CARD10: variants seen among roughly 807,000 people sequenced by gnomAD.
The protein encoded by CARD10 is caspase recruitment domain-containing protein 10.
CARD10 carries 49 observed loss-of-function variants against 114.6 expected under a neutral mutation model. That is an observed-to-expected ratio of 0.43 (90% CI 0.34 to 0.54). The LOEUF is 0.54. Ranked by LOEUF, CARD10 falls within the 20% of genes least tolerant of loss-of-function variation. The probability of loss-of-function intolerance (pLI) is 0.03; values close to 1 mark genes in which losing one functional copy is unlikely to be tolerated. For synonymous variants in CARD10, 602 were observed against 593.2 expected, an observed-to-expected ratio of 1.01 and a Z score of -0.21; for missense variants, 1,206 against 1,397.2, an observed-to-expected ratio of 0.86 and a Z score of 2.18.
At chr22:37,508,994 T>C (rs1923516269) in intron 4 of CARD10, 2 of 1,549,572 alleles carry the variant, frequency 1.3e-6, no homozygotes, top group East Asian at 2.4e-5. Context: ...ACTCGTGCTC[T>C]GGCCCTCACC....
chr22:37,507,948 G>A lies in CARD10; in HGVS notation c.1072C>T (p.Gln358Ter). 1 of 1,614,080 alleles carries A rather than the reference G, an allele frequency of 6.2e-7. No homozygotes were observed. The highest frequency in any genetic ancestry group is 8.5e-7 in the Non-Finnish European group (1 of 1,180,000). Reference sequence around the variant, plus strand: ...TTGAGCCGCAGGTCTTCCATCTCCTGCAGGTACTGAGGGTGGCACGGGGCG... The same window carrying A: ...TTGAGCCGCAGGTCTTCCATCTCCTACAGGTACTGAGGGTGGCACGGGGCG... ...WAEELRDQYLQEMEDLRLKHR... is the reference protein window; with the variant it reads ...WAEELRDQYL The change falls in exon 6 of 20, where the codon CAG (glutamine) becomes TAG (stop). Residue 358 changes from glutamine (Q) to a stop codon, truncating the protein, a stop_gained. Transcript: ENST00000251973. LOFTEE classifies it high-confidence loss of function.
At chr22:37,510,471 C>T (rs767611003) in intron 3 of CARD10, 50 bp from the exon 4 acceptor site, 13 of 1,565,332 alleles carry the variant, frequency 8.3e-6, no homozygotes, top group South Asian at 4.5e-5. Context: ...CTGGGAGCCA[C>T]GGGTTACAGG....
intron 10 of CARD10, 49 bp from the exon 11 acceptor site, chr22:37,502,774 T>C (rs772569907): frequency 6.3e-7 from 1 of 1,591,998 alleles, no homozygotes. Flanking sequence ...GAAACAGGGA[T>C]GGCCAGGGTC....
At position 37,519,299 on chromosome 22, in the gene CARD10, C is replaced by T. The variant is rs1175184794; in HGVS notation, c.-99G>A. Reference sequence around the variant, plus strand: ...CCAAGCACCCCCGGGGCGTCGTCCGCAGACCCGCCGTCGGGGGCGCGCCCC... The same window carrying T: ...CCAAGCACCCCCGGGGCGTCGTCCGTAGACCCGCCGTCGGGGGCGCGCCCC... On this transcript the variant is annotated 5_prime_UTR_variant, in exon 1 of 20. Transcript: ENST00000251973. The surrounding 1 kb of genome is among the most constrained non-coding windows in gnomAD (Gnocchi z 4.1). 24 of 1,347,258 alleles carry T rather than the reference C, an allele frequency of 1.8e-5. No homozygotes were observed. The highest frequency in any genetic ancestry group is 2.8e-4 in the Middle Eastern group (1 of 3,630). The allele number at this position is 1,347,258 out of a possible 1,614,324, so 83.5% of individuals were successfully genotyped here.
intron 15 of CARD10, among the ~76,000 whole-genome samples, 156 bp downstream of exon 15, chr22:37,495,360 TG>T (rs1483041002): frequency 1.6e-4 from 24 of 152,236 alleles, no homozygotes; most frequent in African/African-American, 5.8e-4. Flanking sequence ...TGAGCTCTGC[TG>T]TTCTGTTTGC....
rs376687346 is a variant in CARD10, at chr22:37,519,124, G to A, written c.77C>T (p.Ala26Val). The stretch of plus-strand genomic sequence containing the variant: ...GACGCCCTCGATTCGCTCCCACAGC[G>A]CGTCCTCCTCCGCCTCAGACCCCGA... ...AGSGSEAEEDALWERIEGVRH... is the reference protein window; with the variant it reads ...AGSGSEAEEDVLWERIEGVRH... The change falls in exon 1 of 20, where the codon GCG becomes GTG. Residue 26 changes from alanine to valine, a missense_variant. This residue lies in a region of CARD10 where 138 missense variants were observed against 218.0 expected (regional missense o/e 0.63). Coordinates refer to ENST00000251973, the MANE Select transcript of CARD10 (RefSeq NM_014550.4). The surrounding 1 kb of genome is among the most constrained non-coding windows in gnomAD (Gnocchi z 4.1). 11 of 1,573,152 alleles carry A rather than the reference G, an allele frequency of 7.0e-6. No homozygotes were observed. The highest frequency in any genetic ancestry group is 1.7e-4 in the Middle Eastern group (1 of 5,912).
intron 4 of CARD10, 94 bp from the exon 5 acceptor site, chr22:37,508,776 A>C: frequency 1.5e-6 from 2 of 1,350,406 alleles, no homozygotes; most frequent in Non-Finnish European, 2.0e-6. Context: ...AGCCCTCCAA[A>C]CCCACCTGAC....
At chr22:37,498,478 G>T (rs187478573) in intron 11 of CARD10, among the ~76,000 whole-genome samples, 1 of 152,192 alleles carries the variant, frequency 6.6e-6, no homozygotes, top group Non-Finnish European at 1.5e-5. Flanking sequence ...GAGAGGCAGC[G>T]GGGCGAAGCA....
chr22:37,494,315 T>C (rs2145752729), intron 15 of CARD10, 127 bp from the exon 16 acceptor site: 1 of 642,700 alleles, frequency 1.6e-6, no homozygotes. Context: ...CAGAAGAGCC[T>C]GGGTCAGCAA....
At chr22:37,514,019 G>A (rs1025250237) in intron 3 of CARD10, among the ~76,000 whole-genome samples, 24 of 150,928 alleles carry the variant, frequency 1.6e-4, no homozygotes, top group Admixed American at 4.0e-4. Context: ...CAGGAGAATC[G>A]CTTGAACGTG....
Position 37,504,716 on chromosome 22 carries a change from C to T in CARD10, c.1437G>A (p.Leu479=). ...LCSNLSSTWS[L]SEFPSPLGGP... is the part of the protein sequence containing the mutation. ...CTCCCAGAGGGGAGGGGAACTCGCT[C>T]AGGCTCCAAGTGCTGCTGAGGTTGG... Residue 479 remains leucine (L), a synonymous_variant, in exon 8 of 20, where the codon CTG becomes CTA. Transcript: ENST00000251973. 6.3e-7 allele frequency: 1 copy of T among 1,584,906 alleles called. No individual in the cohort carries two copies. The highest frequency in any genetic ancestry group is 8.6e-7 in the Non-Finnish European group (1 of 1,166,864).
In CARD10 at chr22:37,491,076, G is replaced by A; in HGVS notation, c.*83C>T. 1 of 1,118,080 alleles carries A rather than the reference G, an allele frequency of 8.9e-7. No individual in the cohort carries two copies. Among genetic ancestry groups the A allele is most frequent in the Non-Finnish European group, 1.3e-6 (1 of 771,100 alleles). 69.3% of individuals were successfully genotyped at this position (1,118,080 alleles called of 1,614,324 possible). On this transcript the variant is annotated 3_prime_UTR_variant, in exon 20 of 20. Coordinates refer to ENST00000251973, the MANE Select transcript of CARD10 (RefSeq NM_014550.4). ...TCTGAGAGTCCAAGGGTCTAGGAAG[G>A]CTCAGGGTGGGAGGGCCCAGCTTCA...
chr22:37,501,983 A>G lies in CARD10; in HGVS notation c.1787+619T>C, dbSNP rs1923230873. On this transcript the variant is annotated intron_variant, in intron 11 of 19. Coordinates refer to ENST00000251973, the MANE Select transcript of CARD10 (RefSeq NM_014550.4). The surrounding 1 kb of genome is among the most constrained non-coding windows in gnomAD (Gnocchi z 5.4). ...CTCACAGCTGAGTTCCAAGACCACA[A>G]TGGCCGTGCAGCCCCCGCTCTGCCC... Among the ~76,000 whole-genome samples the G allele has an allele frequency of 6.6e-6, 1 of 152,216 alleles. No individual in the cohort carries two copies. The highest frequency in any genetic ancestry group is 1.9e-4 in the East Asian group (1 of 5,184).
rs553675855 is a variant in CARD10, at chr22:37,506,371, G to A, written c.1204C>T (p.Arg402Cys). Residue 402 changes from arginine (R) to cysteine (C), a missense_variant, in exon 7 of 20, where the codon CGT becomes TGT. This residue lies in a region of CARD10 where 1,068 missense variants were observed against 1,179.1 expected (regional missense o/e 0.91). Transcript: ENST00000251973. ...EKERDQAIQS[R>C]DRIQLQYSQS... ...GAGTACTGCAACTGGATCCGGTCAC[G>A]GCTCTGGATGGCCTAGGGTTGGGGG... The A allele has an allele frequency of 8.8e-6, 14 of 1,585,994 alleles. No individual in the cohort carries two copies. The highest frequency in any genetic ancestry group is 5.4e-5 in the African/African-American group (4 of 74,310).
chr22:37,519,372 G>T lies in CARD10; in HGVS notation c.-172C>A. On this transcript the variant is annotated 5_prime_UTR_variant, in exon 1 of 20. Coordinates refer to ENST00000251973, the MANE Select transcript of CARD10 (RefSeq NM_014550.4). This position sits in a 1 kb window ranked among gnomAD's most constrained non-coding sequence, Gnocchi z 4.1. Reference sequence around the variant, plus strand: ...CACGCTACAGTCGCCTCGGGCTCCCGGGTCCGCACTCGGGCGGCGGCTCCG... The same window carrying T: ...CACGCTACAGTCGCCTCGGGCTCCCTGGTCCGCACTCGGGCGGCGGCTCCG... The T allele has an allele frequency of 8.2e-7, 1 of 1,222,120 alleles. No individual in the cohort carries two copies. The highest frequency in any genetic ancestry group is 1.0e-6 in the Non-Finnish European group (1 of 982,448). The allele number at this position is 1,222,120 out of a possible 1,614,324, so 75.7% of individuals were successfully genotyped here.
chr22:37,506,428 G>A (rs373892715), intron 6 of CARD10, 45 bp from the exon 7 acceptor site: 87 of 1,459,348 alleles, frequency 6.0e-5, no homozygotes, highest in Non-Finnish European at 6.8e-5. Context: ...AGCCACCTTG[G>A]CCCAGCTTTC....
At position 37,501,004 on chromosome 22, in the gene CARD10, C is replaced by A. The variant is rs1223470780; in HGVS notation, c.1787+1598G>T. Among the ~76,000 whole-genome samples, 1 of 152,110 alleles carries A rather than the reference C, an allele frequency of 6.6e-6. No homozygotes were observed. Among genetic ancestry groups the A allele is most frequent in the East Asian group, 1.9e-4 (1 of 5,194 alleles). The stretch of plus-strand genomic sequence containing the variant: ...AGACATGCCCAAGGTCCCACAGTAG[C>A]AAGTGCTGACACCAAAGCCAGCTCT... On this transcript the variant is annotated intron_variant, in intron 11 of 19. Transcript: ENST00000251973. The surrounding 1 kb of genome is among the most constrained non-coding windows in gnomAD (Gnocchi z 5.4).
intron 11 of CARD10, among the ~76,000 whole-genome samples, chr22:37,499,022 G>A (rs887003696): frequency 2.6e-5 from 4 of 151,994 alleles, no homozygotes; most frequent in Non-Finnish European, 4.4e-5. Flanking sequence ...ACTGGGTTGC[G>A]ACTGGGACAG....
chr22:37,500,742 T>C (rs742152), intron 11 of CARD10, among the ~76,000 whole-genome samples: 56,055 of 152,062 alleles, frequency 0.37, 12,696 homozygotes, highest in African/African-American at 0.64. Flanking sequence ...ACTGTCTCTG[T>C]ACTTCAGTGT....
Sources: allele counts gnomAD v4.1 joint callset (sites outside exome capture counted in the v4.1 genomes callset), GRCh38; gene constraint gnomAD v4.1.1; regional missense constraint gnomAD v4.1.1; non-coding constraint Gnocchi (gnomAD v3.1); transcripts MANE v1.5; gene names NCBI Gene and HGNC (gene_info 2026-07-23, HGNC 2026-07-21).